The following SERPINA6 variants were observed in gnomAD, a reference collection of about 807,000 sequenced individuals.
The protein encoded by SERPINA6 is serpin family A member 6.
A neutral mutation model predicts 26.4 loss-of-function variants in SERPINA6; 19 were observed. That is an observed-to-expected ratio of 0.72 (90% confidence interval 0.50 to 1.06). SERPINA6 has a LOEUF of 1.06. Ranked by LOEUF, SERPINA6 falls within the 50% of genes least tolerant of loss-of-function variation. The pLI, the probability that SERPINA6 is intolerant of heterozygous loss-of-function variation, is 0.00. For synonymous variants in SERPINA6, 196 were observed against 199.4 expected, an observed-to-expected ratio of 0.98 and a Z score of 0.14; for missense variants, 473 against 504.0, an observed-to-expected ratio of 0.94 and a Z score of 0.59.
In SERPINA6 at chr14:94,314,476, C is replaced by A; in HGVS notation, c.173G>T (p.Ser58Ile). Reference sequence around the variant, plus strand: ...GGAGATGAAAATGTTCTTTTTGGGACTCAAGGCCACTAGGTGCTTATACAG... The same window carrying A: ...GGAGATGAAAATGTTCTTTTTGGGAATCAAGGCCACTAGGTGCTTATACAG... Reference protein sequence around the residue: ...FSLYKHLVALSPKKNIFISPV... With the variant: ...FSLYKHLVALIPKKNIFISPV... The change falls in exon 2 of 5, where the codon AGT (serine) becomes ATT (isoleucine). Residue 58 changes from serine (S) to isoleucine (I), a missense_variant. By Grantham distance (142) the Ser-to-Ile change is moderately radical. Coordinates refer to ENST00000341584, the MANE Select transcript of SERPINA6 (RefSeq NM_001756.4). The A allele has an allele frequency of 6.2e-7, 1 of 1,614,154 alleles. No individual in the cohort carries two copies. Among genetic ancestry groups the A allele is most frequent in the Non-Finnish European group, 8.5e-7 (1 of 1,180,028 alleles).
chr14:94,306,019 T>C (rs1168840031), intron 4 of SERPINA6, 52 bp downstream of exon 4: 1 of 1,607,202 alleles, frequency 6.2e-7, no homozygotes, highest in South Asian at 1.1e-5. Context: ...GTATTATATT[T>C]ATATTGTGAA....
intron 1 of SERPINA6, among the ~76,000 whole-genome samples, chr14:94,315,288 A>G (rs992472121): frequency 8.4e-5 from 2 of 23,786 alleles, no homozygotes; most frequent in Non-Finnish European, 1.3e-4. Context: ...GTAACTGGAA[A>G]CAGGAACAGA....
Position 94,317,473 on chromosome 14 carries a change from C to T in SERPINA6, c.-19-2806G>A, listed in dbSNP as rs1209083031. On this transcript the variant is annotated intron_variant, in intron 1 of 4. Transcript: ENST00000341584. ...TTTGCAGCGGGGAGGAGCTTGGCCT[C>T]TCTCTCCTGATCCGATGTGGTAATC... 5.3e-5 allele frequency among the ~76,000 whole-genome samples: 8 copies of T among 152,282 alleles called. No homozygotes were observed. The East Asian group carries it at 1.5e-3, about 29-fold the overall frequency.
intron 3 of SERPINA6, among the ~76,000 whole-genome samples, chr14:94,307,150 A>G (rs529738292): frequency 2.6e-5 from 4 of 152,348 alleles, no homozygotes; most frequent in Admixed American, 2.6e-4. Flanking sequence ...ATAGTAACAG[A>G]AAGAAAGGAA....
At chr14:94,321,195 A>G (rs1364473356) in intron 1 of SERPINA6, among the ~76,000 whole-genome samples, 1 of 152,180 alleles carries the variant, frequency 6.6e-6, no homozygotes, top group Non-Finnish European at 1.5e-5. Context: ...AGGACTCAGC[A>G]GTAGCCCCTA....
chr14:94,313,898 G>T, intron 2 of SERPINA6, 138 bp downstream of exon 2: 1 of 920,170 alleles, frequency 1.1e-6, no homozygotes, highest in Non-Finnish European at 1.8e-6. Context: ...CAGCAGGATT[G>T]TGGTGAAGAT....
intron 4 of SERPINA6, 86 bp downstream of exon 4, chr14:94,305,985 G>A (rs1895432945): frequency 1.3e-6 from 2 of 1,517,780 alleles, no homozygotes; most frequent in Non-Finnish European, 1.8e-6. Context: ...GCTCATTCAT[G>A]AACGAACTCA....
At chr14:94,316,475 T>C (rs1240708257) in intron 1 of SERPINA6, among the ~76,000 whole-genome samples, 1 of 152,236 alleles carries the variant, frequency 6.6e-6, no homozygotes, top group Non-Finnish European at 1.5e-5. Context: ...TAAATTGCTG[T>C]AGAACGATTT....
intron 1 of SERPINA6, among the ~76,000 whole-genome samples, chr14:94,319,470 C>A (rs1895655007): frequency 6.6e-6 from 1 of 152,132 alleles, no homozygotes; most frequent in South Asian, 2.1e-4. Flanking sequence ...CAAAGAACTG[C>A]AAGCAGCTAG....
chr14:94,316,641 A>G lies in SERPINA6; in HGVS notation c.-19-1974T>C, dbSNP rs79192757. On this transcript the variant is annotated intron_variant, in intron 1 of 4. Transcript: ENST00000341584. The stretch of plus-strand genomic sequence containing the variant: ...GGGCTCTACCCTCATAAAAGGAATT[A>G]GTGCCTACATAAAAGAGGCCTGTGG... Among the ~76,000 whole-genome samples the G allele has an allele frequency of 1.1e-4, 17 of 152,386 alleles. 1 individual carries two copies. In the East Asian group the frequency reaches 2.5e-3, roughly 22 times the overall value.
At chr14:94,319,011 G>A (rs1040016538) in intron 1 of SERPINA6, among the ~76,000 whole-genome samples, 1 of 152,156 alleles carries the variant, frequency 6.6e-6, no homozygotes, top group Non-Finnish European at 1.5e-5. Flanking sequence ...GACTTGAGTG[G>A]ACATCTTTTC....
In SERPINA6 at chr14:94,314,077, C is replaced by G. The variant is rs1220896385; in HGVS notation, c.572G>C (p.Ser191Thr). 1 of 1,614,040 alleles carries G rather than the reference C, an allele frequency of 6.2e-7. No homozygotes were observed. Among genetic ancestry groups the G allele is most frequent in the Admixed American group, 1.7e-5 (1 of 59,992 alleles). Residue 191 changes from serine (S) to threonine (T), a missense_variant, in exon 2 of 5, where the codon AGC becomes ACC. By Grantham distance (58) the Ser-to-Thr change is moderately conservative. Coordinates refer to ENST00000341584, the MANE Select transcript of SERPINA6 (RefSeq NM_001756.4). ...KIVDLFSGLDSPAILVLVNYI... is the reference protein window; with the variant it reads ...KIVDLFSGLDTPAILVLVNYI... ...GTTGACCAGGACGAGGATGGCTGGGCTATCCAGCCCTGAAAACAAGTCGAC... is the reference window on the plus strand; with the variant it reads ...GTTGACCAGGACGAGGATGGCTGGGGTATCCAGCCCTGAAAACAAGTCGAC...
intron 1 of SERPINA6, among the ~76,000 whole-genome samples, chr14:94,315,532 A>T (rs1242487475): frequency 6.6e-5 from 10 of 152,160 alleles, no homozygotes; most frequent in Non-Finnish European, 1.2e-4. Context: ...ATAAACAAAG[A>T]CTAAAAATTA....
At chr14:94,318,844 A>G (rs1023506443) in intron 1 of SERPINA6, among the ~76,000 whole-genome samples, 1 of 152,346 alleles carries the variant, frequency 6.6e-6, no homozygotes, top group Non-Finnish European at 1.5e-5. Flanking sequence ...TTGTTCATCA[A>G]AGGATACTAT....
In SERPINA6 at chr14:94,311,639, C is replaced by T. The variant is rs1054779591; in HGVS notation, c.614-1633G>A. 4.6e-5 allele frequency among the ~76,000 whole-genome samples: 7 copies of T among 152,064 alleles called. No homozygotes were observed. In the East Asian group the frequency reaches 5.8e-4, roughly 13 times the overall value. On this transcript the variant is annotated intron_variant, in intron 2 of 4. Transcript: ENST00000341584. Reference sequence around the variant, plus strand: ...TTAAAAAAAAACTGTCAAGAAAGTCCGATAAATAACACATCAGGTGCTGGG... The same window carrying T: ...TTAAAAAAAAACTGTCAAGAAAGTCTGATAAATAACACATCAGGTGCTGGG...
rs776885455 is a variant in SERPINA6, at chr14:94,314,100, G to A, written c.549C>T (p.Val183=). ...YVKNKTQGKI[V]DLFSGLDSPA... Reference sequence around the variant, plus strand: ...GGCTATCCAGCCCTGAAAACAAGTCGACAATTTTCCCCTGTGTCTTATTCT... The same window carrying A: ...GGCTATCCAGCCCTGAAAACAAGTCAACAATTTTCCCCTGTGTCTTATTCT... Residue 183 remains valine (V), a synonymous_variant, in exon 2 of 5, where the codon GTC becomes GTT. Coordinates refer to ENST00000341584, the MANE Select transcript of SERPINA6 (RefSeq NM_001756.4). The A allele has an allele frequency of 6.2e-6, 10 of 1,614,144 alleles. No individual in the cohort carries two copies. Among genetic ancestry groups the A allele is most frequent in the South Asian group, 4.4e-5 (4 of 91,068 alleles).
At chr14:94,319,597 G>C (rs1299022332) in intron 1 of SERPINA6, among the ~76,000 whole-genome samples, 1 of 152,106 alleles carries the variant, frequency 6.6e-6, no homozygotes, top group Non-Finnish European at 1.5e-5. Context: ...ACAAAGTCTG[G>C]TATAAACATA....
chr14:94,311,676 A>C (rs1329338449), intron 2 of SERPINA6, among the ~76,000 whole-genome samples: 7 of 152,268 alleles, frequency 4.6e-5, no homozygotes, highest in African/African-American at 1.7e-4. Context: ...GCGGTGGCTC[A>C]CACCTGTAAT....
chr14:94,308,622 A>G (rs1445226872), intron 3 of SERPINA6, among the ~76,000 whole-genome samples: 1 of 152,126 alleles, frequency 6.6e-6, no homozygotes, highest in Non-Finnish European at 1.5e-5. Context: ...ACCCTTCTGC[A>G]CAGATGGAAC....
Sources: allele counts gnomAD v4.1 joint callset (sites outside exome capture counted in the v4.1 genomes callset), GRCh38; gene constraint gnomAD v4.1.1; transcripts MANE v1.5; gene names NCBI Gene and HGNC (gene_info 2026-07-23, HGNC 2026-07-21).